The following NRG1 variants were observed in gnomAD, a reference collection of about 807,000 sequenced individuals.
NRG1 encodes neuregulin 1.
Under a neutral mutation model 63.8 loss-of-function variants are expected in NRG1, and 18 were observed. The ratio of observed to expected loss-of-function variants is 0.28; its 90% CI spans 0.19 to 0.42. The LOEUF (loss-of-function observed/expected upper bound fraction) is 0.42. NRG1 is among the 10% of genes least tolerant of loss of function. NRG1 has a pLI of 1.00. For missense variants in NRG1, 762 were observed against 814.7 expected (o/e 0.94, Z 0.79); for synonymous variants, 302 against 301.3 (o/e 1.00, Z -0.02).
intron 1 of NRG1, among the ~76,000 whole-genome samples, chr8:32,422,116 A>G (rs1377959048): frequency 6.6e-6 from 1 of 152,178 alleles, no homozygotes; most frequent in African/African-American, 2.4e-5. Flanking sequence ...ACAGAACTGC[A>G]CTTATACCCA....
At chr8:31,833,183 G>C (rs1825337000) in intron 1 of NRG1, among the ~76,000 whole-genome samples, 1 of 152,196 alleles carries the variant, frequency 6.6e-6, no homozygotes, top group Non-Finnish European at 1.5e-5. Flanking sequence ...AAAGGAGAAG[G>C]AGGATAGTCT....
At position 32,667,004 on chromosome 8, in the gene NRG1, G is replaced by C. The variant is rs1007418715; in HGVS notation, c.502+50119G>C. ...TATATACAGTCATACGTCACTTAAT[G>C]ACAAGGATATGTTCTAAGAAATACG... On this transcript the variant is annotated intron_variant, in intron 5 of 11. Transcript: ENST00000356819. 4.9e-4 allele frequency among the ~76,000 whole-genome samples: 75 copies of C among 152,150 alleles called. 2 individuals carry two copies.
At chr8:31,869,044 A>G (rs1829248247) in intron 1 of NRG1, among the ~76,000 whole-genome samples, 1 of 152,216 alleles carries the variant, frequency 6.6e-6, no homozygotes, top group Non-Finnish European at 1.5e-5. Context: ...AGCAATTGTC[A>G]ATTCCAGTTA....
chr8:32,553,125 A>G (rs979933583), intron 1 of NRG1, among the ~76,000 whole-genome samples: 4 of 152,182 alleles, frequency 2.6e-5, no homozygotes, highest in Admixed American at 2.6e-4. Context: ...TTAAATATGT[A>G]GTCATGGGAA....
chr8:32,166,205 G>C (rs568619526), intron 1 of NRG1, among the ~76,000 whole-genome samples: 3 of 152,108 alleles, frequency 2.0e-5, no homozygotes, highest in Non-Finnish European at 4.4e-5. Context: ...TTAGAGAAGG[G>C]TAGAGAATGA....
intron 1 of NRG1, among the ~76,000 whole-genome samples, chr8:32,110,102 G>A (rs1585358137): frequency 6.6e-6 from 1 of 152,120 alleles, no homozygotes; most frequent in African/African-American, 2.4e-5. Context: ...TGAATAAATG[G>A]TAGCTATTTG....
chr8:31,776,166 A>G (rs1454069957), intron 1 of NRG1, among the ~76,000 whole-genome samples: 3 of 152,066 alleles, frequency 2.0e-5, no homozygotes, highest in Admixed American at 1.3e-4. Context: ...TTGATGTGGA[A>G]CTCGAGGGGT....
At chr8:31,898,017 CAAAAA>C (rs34246447) in intron 1 of NRG1, among the ~76,000 whole-genome samples, 76 of 125,870 alleles carry the variant, frequency 6.0e-4, no homozygotes, top group African/African-American at 2.3e-3. Context: ...AATTCTATCT[CAAAAA>C]AAAAAAAAAA....
At chr8:31,983,226 C>T (rs1416196926) in intron 1 of NRG1, among the ~76,000 whole-genome samples, 1 of 152,028 alleles carries the variant, frequency 6.6e-6, no homozygotes, top group Non-Finnish European at 1.5e-5. Context: ...GACACTCATC[C>T]AATTTCTCAC....
intron 1 of NRG1, among the ~76,000 whole-genome samples, chr8:31,901,006 TC>T (rs1486136390): frequency 2.0e-5 from 3 of 152,214 alleles, no homozygotes; most frequent in Non-Finnish European, 4.4e-5. Flanking sequence ...CTCTTTTTTT[TC>T]CCAGAAATTT....
chr8:32,689,538 T>A (rs959532912), intron 5 of NRG1, among the ~76,000 whole-genome samples: 7 of 152,268 alleles, frequency 4.6e-5, no homozygotes, highest in African/African-American at 1.7e-4. Context: ...GCAATTGTGC[T>A]TTTAAAAAAT....
At chr8:31,781,451 T>C (rs1363655616) in intron 1 of NRG1, among the ~76,000 whole-genome samples, 1 of 152,178 alleles carries the variant, frequency 6.6e-6, no homozygotes, top group Non-Finnish European at 1.5e-5. Context: ...ATTTCCCTCG[T>C]TACCAAAACC....
At chr8:32,108,162 C>T (rs551579446) in intron 1 of NRG1, among the ~76,000 whole-genome samples, 2 of 152,112 alleles carry the variant, frequency 1.3e-5, no homozygotes, top group Admixed American at 6.6e-5. Context: ...CCCTCATCCC[C>T]GAAACCTGTC....
intron 1 of NRG1, among the ~76,000 whole-genome samples, chr8:31,855,704 G>T (rs1480477013): frequency 3.3e-5 from 5 of 152,162 alleles, no homozygotes; most frequent in Admixed American, 2.0e-4. Context: ...TTTCTTCCTA[G>T]TATCGATGGT....
intron 1 of NRG1, among the ~76,000 whole-genome samples, chr8:31,786,216 G>A (rs983328042): frequency 1.3e-5 from 2 of 152,170 alleles, no homozygotes; most frequent in African/African-American, 4.8e-5. Context: ...ACATAAACAA[G>A]GAAAAGTACA....
chr8:31,805,360 G>A (rs901220081), intron 1 of NRG1, among the ~76,000 whole-genome samples: 16 of 151,812 alleles, frequency 1.1e-4, no homozygotes, highest in African/African-American at 3.6e-4. Flanking sequence ...AAACAAGACC[G>A]TATCATGAAA....
chr8:32,041,066 C>T lies in NRG1; in HGVS notation c.37+401635C>T, dbSNP rs1375479102. On this transcript the variant is annotated intron_variant, in intron 1 of 10. Transcript: ENST00000519301. The stretch of plus-strand genomic sequence containing the variant: ...ATGTGTAACATGCCAAATTAATTTC[C>T]GAATGTTAAAAATCATTTTACTTAT... 4.6e-5 allele frequency among the ~76,000 whole-genome samples: 7 copies of T among 151,754 alleles called. No homozygotes were observed. The South Asian group carries it at 1.5e-3, about 32-fold the overall frequency.
At chr8:32,513,724 G>GATCT (rs1829498171) in intron 1 of NRG1, among the ~76,000 whole-genome samples, 1 of 152,106 alleles carries the variant, frequency 6.6e-6, no homozygotes, top group African/African-American at 2.4e-5. Flanking sequence ...TATCAGTGAA[G>GATCT]ATCTGTGTCA....
At chr8:31,639,661 G>C (rs754187045) in intron 1 of NRG1, 3 of 1,395,544 alleles carry the variant, frequency 2.1e-6, no homozygotes, top group Admixed American at 3.2e-5. Flanking sequence ...AGCAGGGCTC[G>C]GGCGCGGCGG....
Sources: allele counts gnomAD v4.1 joint callset (sites outside exome capture counted in the v4.1 genomes callset), GRCh38; gene constraint gnomAD v4.1.1; transcripts MANE v1.5; gene names NCBI Gene and HGNC (gene_info 2026-07-23, HGNC 2026-07-21).